The following ZNF536 variants were observed in gnomAD, a reference collection of about 807,000 sequenced individuals.
ZNF536 encodes zinc finger protein 536.
ZNF536 carries 13 observed loss-of-function variants against 84.5 expected under a neutral mutation model. The ratio of observed to expected loss-of-function variants is 0.15; its 90% CI spans 0.10 to 0.24. ZNF536 has a LOEUF of 0.24. ZNF536 is among the 10% of genes least tolerant of loss of function. ZNF536 has a pLI of 1.00. For missense variants in ZNF536, 1,536 were observed against 1,747.5 expected, an observed-to-expected ratio of 0.88 and a Z score of 2.16; for synonymous variants, 811 against 742.5, an observed-to-expected ratio of 1.09 and a Z score of -1.50.
intron 3 of ZNF536, among the ~76,000 whole-genome samples, chr19:30,356,500 G>A (rs1392465173): frequency 6.6e-6 from 1 of 152,190 alleles, no homozygotes; most frequent in Admixed American, 6.5e-5. Flanking sequence ...ACAGAGGAGG[G>A]AGTGAATAAT....
rs149411781 is a variant in ZNF536, at chr19:30,467,580, G to T, written c.2170+21848G>T. 1.3e-3 allele frequency among the ~76,000 whole-genome samples: 197 copies of T among 152,146 alleles called. 1 individual carries two copies. The highest frequency in any genetic ancestry group is 4.4e-3 in the African/African-American group (182 of 41,504). ...TGAATAAATGAATGACGACAAGGAGGGTGGATCTCTGCCTCCCTTCCCCTG... is the reference window on the plus strand; with the variant it reads ...TGAATAAATGAATGACGACAAGGAGTGTGGATCTCTGCCTCCCTTCCCCTG... On this transcript the variant is annotated intron_variant, in intron 2 of 4. Transcript: ENST00000355537.
At chr19:30,531,651 G>T (rs1259990973) in intron 2 of ZNF536, among the ~76,000 whole-genome samples, 5 of 151,980 alleles carry the variant, frequency 3.3e-5, no homozygotes, top group African/African-American at 1.2e-4. Flanking sequence ...TTGAGACAGG[G>T]TCTTGCTGTG....
chr19:30,352,790 T>G (rs1166787392), intron 3 of ZNF536, among the ~76,000 whole-genome samples: 1 of 152,200 alleles, frequency 6.6e-6, no homozygotes, highest in African/African-American at 2.4e-5. Flanking sequence ...TATTTTCTCC[T>G]CTGTGGCTTA....
At chr19:30,246,767 C>T (rs1027899913) in intron 1 of ZNF536, among the ~76,000 whole-genome samples, 8 of 152,160 alleles carry the variant, frequency 5.3e-5, no homozygotes, top group Middle Eastern at 3.2e-3. Flanking sequence ...TGCTGTCTAG[C>T]GGTAGCCAAG....
intron 1 of ZNF536, among the ~76,000 whole-genome samples, chr19:30,573,695 G>C (rs114451672): frequency 7.0e-4 from 107 of 152,308 alleles, no homozygotes; most frequent in Middle Eastern, 3.4e-3. Flanking sequence ...CATGGATAGA[G>C]AGCAGGAGCT....
At chr19:30,480,108 C>T (rs1000962286) in intron 2 of ZNF536, among the ~76,000 whole-genome samples, 5 of 152,252 alleles carry the variant, frequency 3.3e-5, no homozygotes, top group Non-Finnish European at 7.3e-5. Context: ...TCAGATATCA[C>T]AGCAGCAGGT....
At chr19:30,336,938 T>C (rs1316749319) in intron 2 of ZNF536, among the ~76,000 whole-genome samples, 1 of 152,216 alleles carries the variant, frequency 6.6e-6, no homozygotes, top group Non-Finnish European at 1.5e-5. Context: ...AAGTGCAGCC[T>C]GACCCACTGG....
chr19:30,562,813 C>A (rs1428908967), downstream of ZNF536, among the ~76,000 whole-genome samples: 2 of 151,968 alleles, frequency 1.3e-5, no homozygotes, highest in Admixed American at 1.3e-4. Flanking sequence ...TCCTTCTGTG[C>A]CTGTGACCAT....
At chr19:30,462,785 T>C (rs201180366) in intron 2 of ZNF536, among the ~76,000 whole-genome samples, 11,576 of 106,284 alleles carry the variant, frequency 0.11, 760 homozygotes, top group South Asian at 0.17. Context: ...GATGTGTGTG[T>C]TGGGATGCAT....
chr19:30,554,247 C>T (rs1015065773), intron 4 of ZNF536: 18 of 148,612 alleles, frequency 1.2e-4, no homozygotes, highest in African/African-American at 2.7e-4. Context: ...TCGGAGAATA[C>T]CTACTTTTTT....
chr19:30,376,538 TG>T (rs1337238654), intron 1 of ZNF536, among the ~76,000 whole-genome samples: 1 of 152,196 alleles, frequency 6.6e-6, no homozygotes, highest in Non-Finnish European at 1.5e-5. Context: ...TCCGTGGGTC[TG>T]GGCAGGGCAT....
At chr19:30,685,728 C>G (rs1218068378) in intron 1 of ZNF536, among the ~76,000 whole-genome samples, 1 of 152,164 alleles carries the variant, frequency 6.6e-6, no homozygotes, top group East Asian at 1.9e-4. Context: ...GCAGAGGCAA[C>G]CAGGGGGATG....
intron 2 of ZNF536, among the ~76,000 whole-genome samples, chr19:30,290,622 A>G (rs1005687499): frequency 5.3e-5 from 8 of 151,992 alleles, no homozygotes; most frequent in Non-Finnish European, 5.9e-5. Context: ...GGCTGCTTCC[A>G]CCTCATCACT....
chr19:30,297,908 C>G (rs931076748), intron 2 of ZNF536, among the ~76,000 whole-genome samples: 1 of 150,052 alleles, frequency 6.7e-6, no homozygotes, highest in South Asian at 2.2e-4. Context: ...CGGAGTCCCC[C>G]CCCCCTCTGT....
intron 2 of ZNF536, among the ~76,000 whole-genome samples, chr19:30,499,615 A>C (rs2054868292): frequency 1.3e-5 from 2 of 152,232 alleles, no homozygotes; most frequent in African/African-American, 4.8e-5. Flanking sequence ...AAACATCCAA[A>C]TTGTAGACTT....
At chr19:30,540,923 G>T (rs542150343) in intron 3 of ZNF536, among the ~76,000 whole-genome samples, 1 of 152,334 alleles carries the variant, frequency 6.6e-6, no homozygotes, top group South Asian at 2.1e-4. Flanking sequence ...CCCAGGCCAG[G>T]CTTCCTTGGC....
intron 1 of ZNF536, among the ~76,000 whole-genome samples, chr19:30,633,609 T>C (rs2048965687): frequency 6.6e-6 from 1 of 152,256 alleles, no homozygotes; most frequent in South Asian, 2.1e-4. Flanking sequence ...AGTCCACATT[T>C]AAGTGAGAAC....
chr19:30,281,853 CTGGGCTCA>C (rs1011554257), intron 1 of ZNF536, among the ~76,000 whole-genome samples: 4 of 152,188 alleles, frequency 2.6e-5, no homozygotes, highest in African/African-American at 9.7e-5. Context: ...CTGCACCAAA[CTGGGCTCA>C]TGGACAGAGT....
Position 30,344,333 on chromosome 19 carries a change from G to A in ZNF536, c.-119-8035G>A, listed in dbSNP as rs199799005. ...CGGCCTCCTATAATCCCAGCTACTCGGGAGGCTGAGACAGGAAAATCACTT... is the reference window on the plus strand; with the variant it reads ...CGGCCTCCTATAATCCCAGCTACTCAGGAGGCTGAGACAGGAAAATCACTT... On this transcript the variant is annotated intron_variant, in intron 2 of 5. Coordinates refer to the ZNF536 transcript ENST00000585628. 0.022 allele frequency among the ~76,000 whole-genome samples: 1,433 copies of A among 64,820 alleles called. 122 individuals are homozygous for A. The East Asian group carries it at 0.33, about 15-fold the overall frequency. 42.5% of individuals were successfully genotyped at this position (64,820 alleles called of 152,430 possible).
Sources: allele counts gnomAD v4.1 joint callset (sites outside exome capture counted in the v4.1 genomes callset), GRCh38; gene constraint gnomAD v4.1.1; transcripts MANE v1.5; gene names NCBI Gene and HGNC (gene_info 2026-07-23, HGNC 2026-07-21).